CDK14: variants seen among roughly 807,000 people sequenced by gnomAD.
CDK14 encodes the protein cyclin-dependent kinase 14.
A neutral mutation model predicts 60.7 loss-of-function variants in CDK14; 34 were observed. The ratio of observed to expected loss-of-function variants is 0.56; its 90% confidence interval spans 0.43 to 0.75. The LOEUF is 0.75. CDK14 is among the 30% of genes least tolerant of loss of function. CDK14 has a pLI of 0.00. For missense variants in CDK14, 482 were observed against 564.1 expected (o/e 0.85, Z 1.47); for synonymous variants, 197 against 203.7 (o/e 0.97, Z 0.28).
At chr7:90,634,892 A>G (rs1016720997) in intron 2 of CDK14, among the ~76,000 whole-genome samples, 12 of 152,086 alleles carry the variant, frequency 7.9e-5, no homozygotes, top group Non-Finnish European at 1.6e-4. Context: ...AGTGATGATG[A>G]GCATTTTTTC....
chr7:91,178,471 T>G (rs1801860367), intron 14 of CDK14, among the ~76,000 whole-genome samples: 1 of 143,388 alleles, frequency 7.0e-6, no homozygotes, highest in Non-Finnish European at 1.5e-5. Flanking sequence ...GGGATCTAAT[T>G]AAACTAAAGA....
intron 2 of CDK14, among the ~76,000 whole-genome samples, chr7:90,649,296 C>CTTTCTTTCT (rs1800545938): frequency 1.4e-5 from 1 of 69,722 alleles, no homozygotes; most frequent in African/African-American, 7.2e-5. Flanking sequence ...TTCTTTCTTT[C>CTTTCTTTCT]TTTCTTTCTT....
intron 2 of CDK14, among the ~76,000 whole-genome samples, chr7:90,611,611 C>T (rs1426244187): frequency 2.0e-5 from 3 of 152,160 alleles, no homozygotes; most frequent in African/African-American, 7.2e-5. Flanking sequence ...GCTTTGTCAT[C>T]TCTTCCTGGA....
intron 14 of CDK14, among the ~76,000 whole-genome samples, chr7:91,188,042 G>C (rs537560879): frequency 1.7e-4 from 26 of 152,276 alleles, no homozygotes; most frequent in African/African-American, 6.3e-4. Flanking sequence ...GCTGCAGCTT[G>C]ATTTTACAGG....
chr7:91,000,239 C>T (rs1437858356), intron 10 of CDK14, among the ~76,000 whole-genome samples: 1 of 152,206 alleles, frequency 6.6e-6, no homozygotes, highest in Non-Finnish European at 1.5e-5. Flanking sequence ...TGCCAGGAAT[C>T]TAGCCTATAA....
At chr7:90,960,787 T>A (rs1794581075) in intron 9 of CDK14, among the ~76,000 whole-genome samples, 1 of 152,142 alleles carries the variant, frequency 6.6e-6, no homozygotes, top group Non-Finnish European at 1.5e-5. Context: ...TTAGGTTTAT[T>A]TGCTAATGTT....
At chr7:90,768,827 T>C (rs1265215473) in intron 4 of CDK14, among the ~76,000 whole-genome samples, 1 of 152,234 alleles carries the variant, frequency 6.6e-6, no homozygotes, top group African/African-American at 2.4e-5. Flanking sequence ...AAAATTTGTG[T>C]ATTTGAAAAC....
chr7:90,739,192 C>T (rs959903959), intron 3 of CDK14, among the ~76,000 whole-genome samples: 4 of 152,130 alleles, frequency 2.6e-5, no homozygotes, highest in Non-Finnish European at 1.5e-5. Flanking sequence ...AGTGTATTTC[C>T]ACAATGTCTA....
chr7:90,807,813 C>T (rs536366924), intron 5 of CDK14, among the ~76,000 whole-genome samples: 5 of 152,122 alleles, frequency 3.3e-5, no homozygotes, highest in South Asian at 2.1e-4. Context: ...AACTACATGA[C>T]GAATGTACAA....
At chr7:90,789,579 T>C (rs898693907) in intron 4 of CDK14, among the ~76,000 whole-genome samples, 4 of 152,066 alleles carry the variant, frequency 2.6e-5, no homozygotes, top group African/African-American at 9.7e-5. Context: ...TTGTATTAGG[T>C]ATTATAAGTA....
chr7:90,953,119 A>T (rs949293530), intron 8 of CDK14, among the ~76,000 whole-genome samples: 2 of 151,980 alleles, frequency 1.3e-5, no homozygotes, highest in Non-Finnish European at 2.9e-5. Context: ...TTATCCTATT[A>T]ACCAAACAGA....
At chr7:90,637,331 T>G (rs1452248890) in intron 2 of CDK14, among the ~76,000 whole-genome samples, 1 of 152,032 alleles carries the variant, frequency 6.6e-6, no homozygotes, top group African/African-American at 2.4e-5. Context: ...TCTGGTATGT[T>G]GTGTCTTTGT....
intron 2 of CDK14, among the ~76,000 whole-genome samples, chr7:90,714,027 C>A (rs906866516): frequency 3.3e-5 from 5 of 152,014 alleles, no homozygotes; most frequent in African/African-American, 9.7e-5. Flanking sequence ...ATCTAGAAAT[C>A]CTTGATTTCC....
intron 7 of CDK14, among the ~76,000 whole-genome samples, chr7:90,915,694 A>G (rs1793058539): frequency 6.6e-6 from 1 of 152,214 alleles, no homozygotes; most frequent in Non-Finnish European, 1.5e-5. Flanking sequence ...GGTTAAGAGC[A>G]TAGAATTTGG....
intron 12 of CDK14, among the ~76,000 whole-genome samples, chr7:91,091,685 A>AGAAGGAAGGAAG (rs138061227): frequency 7.1e-6 from 1 of 140,262 alleles, no homozygotes; most frequent in African/African-American, 2.8e-5. Context: ...AGAGAAAGGG[A>AGAAGGAAGGAAG]GAAGGAAGGA....
chr7:90,932,840 G>T (rs1793635102), intron 8 of CDK14, among the ~76,000 whole-genome samples: 1 of 152,132 alleles, frequency 6.6e-6, no homozygotes, highest in African/African-American at 2.4e-5. Context: ...GAGCTCACAT[G>T]GCTGTTGGCA....
At chr7:90,716,448 G>A (rs1031449705) in intron 2 of CDK14, 5 of 152,032 alleles carry the variant, frequency 3.3e-5, no homozygotes, top group African/African-American at 1.2e-4. Flanking sequence ...GGATAATTTT[G>A]TAGTAATTGT....
chr7:91,149,147 A>G (rs1800750499), intron 14 of CDK14, among the ~76,000 whole-genome samples: 2 of 152,212 alleles, frequency 1.3e-5, no homozygotes, highest in African/African-American at 4.8e-5. Context: ...CCCTTGAAGA[A>G]GGGAAGTAGT....
At chr7:90,679,286 G>A (rs1202296712) in intron 2 of CDK14, among the ~76,000 whole-genome samples, 1 of 152,136 alleles carries the variant, frequency 6.6e-6, no homozygotes, top group African/African-American at 2.4e-5. Flanking sequence ...AGATAATATT[G>A]TGTGATTGGC....
Sources: gnomAD v4.1 joint callset for allele counts (sites outside exome capture counted in the v4.1 genomes callset) on GRCh38, gnomAD v4.1.1 for gene constraint, MANE v1.5 for transcripts, NCBI Gene and HGNC (gene_info 2026-07-23, HGNC 2026-07-21) for gene names.